Variants in NAALADL2 observed in about 807,000 individuals in gnomAD.
NAALADL2 encodes N-acetylated alpha-linked acidic dipeptidase like 2.
A neutral mutation model predicts 87.2 loss-of-function variants in NAALADL2; 76 were observed. The observed-to-expected ratio is 0.87, with a 90% CI of 0.72 to 1.05. The LOEUF is 1.05. Ranked by LOEUF, NAALADL2 falls within the 50% of genes least tolerant of loss-of-function variation. The pLI, the probability that NAALADL2 is intolerant of heterozygous loss-of-function variation, is 0.00. For synonymous variants in NAALADL2, 354 were observed against 331.0 expected (o/e 1.07, Z -0.75); for missense variants, 1,089 against 945.8 (o/e 1.15, Z -1.99).
At chr3:174,826,358 T>G (rs1041218625) in intron 3 of NAALADL2, among the ~76,000 whole-genome samples, 4 of 152,204 alleles carry the variant, frequency 2.6e-5, no homozygotes, top group Admixed American at 1.3e-4. Flanking sequence ...TTGCAAGACC[T>G]CAGACAAGTT....
At chr3:175,284,800 G>T (rs964544043) in intron 4 of NAALADL2, among the ~76,000 whole-genome samples, 2 of 152,072 alleles carry the variant, frequency 1.3e-5, no homozygotes, top group Non-Finnish European at 1.5e-5. Flanking sequence ...GAGAACAAAG[G>T]TATCCTCCTA....
chr3:174,870,600 AAAC>A, intron 1 of NAALADL2, among the ~76,000 whole-genome samples: 1 of 151,738 alleles, frequency 6.6e-6, no homozygotes, highest in Non-Finnish European at 1.5e-5. Context: ...AATAAAAAAA[AAAC>A]ACAATTAGCC....
chr3:174,616,854 C>T (rs1437054263), intron 2 of NAALADL2, among the ~76,000 whole-genome samples: 2 of 151,586 alleles, frequency 1.3e-5, no homozygotes, highest in East Asian at 1.9e-4. Context: ...TCTTGATATT[C>T]TTGATTACTT....
rs1733418682 is a variant in NAALADL2 at position 175,526,383 on chromosome 3, A to T, written c.1654-49658A>T. 2.0e-5 allele frequency among the ~76,000 whole-genome samples: 3 copies of T among 152,174 alleles called. No homozygotes were observed. The South Asian group carries it at 6.2e-4, about 32-fold the overall frequency. ...GAGGAATTTGCAGTCATTATTCCCTATCCTTGCTCTTTAAGCATTTTATGC... is the reference window on the plus strand; with the variant it reads ...GAGGAATTTGCAGTCATTATTCCCTTTCCTTGCTCTTTAAGCATTTTATGC... On this transcript the variant is annotated intron_variant, in intron 9 of 13. Coordinates refer to ENST00000454872, the MANE Select transcript of NAALADL2 (RefSeq NM_207015.3).
chr3:174,743,488 G>A (rs1004241177), intron 3 of NAALADL2, among the ~76,000 whole-genome samples: 1 of 151,620 alleles, frequency 6.6e-6, no homozygotes, highest in Admixed American at 6.6e-5. Context: ...TACTTTTCTG[G>A]TAACAGTTTT....
intron 5 of NAALADL2, among the ~76,000 whole-genome samples, chr3:175,408,228 T>A (rs1415274285): frequency 6.6e-6 from 1 of 152,076 alleles, no homozygotes; most frequent in African/African-American, 2.4e-5. Context: ...TGACTTCAGT[T>A]AATAGCAATG....
chr3:174,936,549 G>T (rs1434649870), intron 1 of NAALADL2, among the ~76,000 whole-genome samples: 5 of 152,044 alleles, frequency 3.3e-5, no homozygotes, highest in Non-Finnish European at 1.5e-5. Flanking sequence ...TAAACCCAAA[G>T]GTTCTGTAGT....
chr3:175,190,685 A>T (rs1048916775), intron 2 of NAALADL2, among the ~76,000 whole-genome samples: 5 of 152,138 alleles, frequency 3.3e-5, no homozygotes, highest in Non-Finnish European at 7.4e-5. Flanking sequence ...GATGAAAAGT[A>T]ACCAATATGG....
intron 1 of NAALADL2, among the ~76,000 whole-genome samples, chr3:174,873,852 T>A (rs1728158614): frequency 6.6e-6 from 1 of 151,532 alleles, no homozygotes. Context: ...AGAGGGAAAT[T>A]TAAGCAGAGT....
rs148310767 is a variant in NAALADL2, at chr3:174,910,352, A to G, written c.43+50902A>G. Among the ~76,000 whole-genome samples the G allele has an allele frequency of 1.0e-3, 155 of 152,200 alleles. 4 individuals are homozygous for G. The East Asian group carries it at 0.028, about 27-fold the overall frequency. ...TTAAAATAACTGCATCACTTTTTAC[A>G]TAGAAATTTGTTATCCTTTTTTCCA... On this transcript the variant is annotated intron_variant, in intron 1 of 13. Coordinates refer to ENST00000454872, the MANE Select transcript of NAALADL2 (RefSeq NM_207015.3).
At chr3:174,462,686 G>A (rs1419390265) in intron 1 of NAALADL2, among the ~76,000 whole-genome samples, 2 of 152,040 alleles carry the variant, frequency 1.3e-5, no homozygotes, top group African/African-American at 4.8e-5. Flanking sequence ...AGCTCTCATG[G>A]CACTTTCTTG....
At chr3:175,393,642 T>G (rs1581705900) in intron 5 of NAALADL2, among the ~76,000 whole-genome samples, 1 of 152,166 alleles carries the variant, frequency 6.6e-6, no homozygotes, top group African/African-American at 2.4e-5. Flanking sequence ...TCTGGATTAT[T>G]TGAGAGTAAA....
intron 2 of NAALADL2, among the ~76,000 whole-genome samples, chr3:174,578,303 T>C (rs1715770616): frequency 6.6e-6 from 1 of 151,866 alleles, no homozygotes; most frequent in South Asian, 2.1e-4. Context: ...ACACGATAAA[T>C]ATAAAGAATA....
At chr3:174,736,314 T>G (rs563332909) in intron 2 of NAALADL2, among the ~76,000 whole-genome samples, 95 of 152,288 alleles carry the variant, frequency 6.2e-4, no homozygotes, top group Middle Eastern at 3.4e-3. Flanking sequence ...TCCTGAGTTC[T>G]TGTCCTGTGT....
chr3:175,167,192 A>C (rs939231091), intron 2 of NAALADL2, among the ~76,000 whole-genome samples: 1 of 152,090 alleles, frequency 6.6e-6, no homozygotes, highest in East Asian at 1.9e-4. Context: ...TCAGCCATTC[A>C]TTGTAGCAGG....
chr3:174,736,810 C>A (rs893468202), intron 2 of NAALADL2, among the ~76,000 whole-genome samples: 2 of 152,174 alleles, frequency 1.3e-5, no homozygotes, highest in Non-Finnish European at 2.9e-5. Flanking sequence ...TCTTCCCTTG[C>A]CACCCAGGCT....
intron 2 of NAALADL2, among the ~76,000 whole-genome samples, chr3:174,664,483 T>C (rs1175584151): frequency 6.6e-6 from 1 of 152,194 alleles, no homozygotes; most frequent in Non-Finnish European, 1.5e-5. Flanking sequence ...AATGACTTTT[T>C]AATGACTGAT....
intron 1 of NAALADL2, among the ~76,000 whole-genome samples, chr3:175,064,997 G>A (rs1347301553): frequency 6.6e-6 from 1 of 151,696 alleles, no homozygotes; most frequent in Non-Finnish European, 1.5e-5. Context: ...ATTCATTTTC[G>A]ACAATTACAT....
At chr3:175,272,666 A>T (rs1753014331) in intron 4 of NAALADL2, among the ~76,000 whole-genome samples, 1 of 152,150 alleles carries the variant, frequency 6.6e-6, no homozygotes. Context: ...CCCACAAAAT[A>T]GTTTAAATTA....
Sources: allele counts gnomAD v4.1 joint callset (sites outside exome capture counted in the v4.1 genomes callset), GRCh38; gene constraint gnomAD v4.1.1; transcripts MANE v1.5; gene names NCBI Gene and HGNC (gene_info 2026-07-23, HGNC 2026-07-21).